Variants in LRRC63 observed in about 807,000 individuals in gnomAD.
The protein encoded by LRRC63 is leucine rich repeat containing 63, also known as leucine-rich repeat-containing protein 63.
A neutral mutation model predicts 49.5 loss-of-function variants in LRRC63; 40 were observed. The ratio of observed to expected loss-of-function variants is 0.81; its 90% CI spans 0.63 to 1.05. The LOEUF (loss-of-function observed/expected upper bound fraction) is 1.05. Ranked by LOEUF, LRRC63 falls within the 50% of genes least tolerant of loss-of-function variation. The pLI, the probability that LRRC63 is intolerant of heterozygous loss-of-function variation, is 0.00. For synonymous variants in LRRC63, 191 were observed against 221.1 expected (o/e 0.86, Z 1.21); for missense variants, 636 against 663.1 (o/e 0.96, Z 0.45).
chr13:46,253,282 G>A (rs141148449), intron 7 of LRRC63, among the ~76,000 whole-genome samples: 2,315 of 152,014 alleles, frequency 0.015, 76 homozygotes, highest in African/African-American at 0.052. Flanking sequence ...CATGTAAAAT[G>A]TATTTATTGA....
intron 7 of LRRC63, among the ~76,000 whole-genome samples, chr13:46,252,025 A>T (rs1477319322): frequency 1.3e-5 from 2 of 151,994 alleles, no homozygotes; most frequent in East Asian, 3.8e-4. Flanking sequence ...ATTAAATAAC[A>T]TAGGATATGT....
intron 9 of LRRC63, among the ~76,000 whole-genome samples, chr13:46,273,488 G>C (rs1594103626): frequency 6.6e-6 from 1 of 151,682 alleles, no homozygotes. Flanking sequence ...TGTAGTCCCA[G>C]CTACTCAGGA....
At chr13:46,216,590 T>A (rs1220201999) in intron 2 of LRRC63, among the ~76,000 whole-genome samples, 1 of 151,104 alleles carries the variant, frequency 6.6e-6, no homozygotes, top group African/African-American at 2.4e-5. Context: ...TCCTCTACCC[T>A]TTATTGCTTT....
At chr13:46,232,927 CAAAT>C (rs1384763107) in intron 4 of LRRC63, among the ~76,000 whole-genome samples, 1 of 151,972 alleles carries the variant, frequency 6.6e-6, no homozygotes, top group Admixed American at 6.6e-5. Flanking sequence ...TAAAATGAGT[CAAAT>C]AAAATTCTAG....
chr13:46,234,977 T>C (rs2046865626), intron 5 of LRRC63, among the ~76,000 whole-genome samples: 1 of 152,172 alleles, frequency 6.6e-6, no homozygotes, highest in Admixed American at 6.5e-5. Context: ...TAGGAAAAGC[T>C]ACAGAGAGTT....
exon 3 of LRRC63, chr13:46,227,526 A>G (rs1292581843): frequency 2.0e-6 from 3 of 1,488,962 alleles, no homozygotes; most frequent in Non-Finnish European, 2.7e-6. Context: ...AACTGGTAAA[A>G]TTGAGTCACT....
In LRRC63 at chr13:46,223,083, G is replaced by A. The variant is rs1246330404; in HGVS notation, c.86-4429G>A. Among the ~76,000 whole-genome samples the A allele has an allele frequency of 4.1e-5, 6 of 146,206 alleles. No homozygotes were observed. In the East Asian group the frequency reaches 8.6e-4, roughly 21 times the overall value. ...TTGTGGGGTGGGGGGAGGGGGGAAG[G>A]ATAGCATTAGGAGATATACCTAATG... On this transcript the variant is annotated intron_variant, in intron 2 of 9. Coordinates refer to ENST00000595396, the Ensembl canonical transcript of LRRC63.
At chr13:46,253,113 A>AT (rs968497712) in intron 7 of LRRC63, among the ~76,000 whole-genome samples, 2 of 152,006 alleles carry the variant, frequency 1.3e-5, no homozygotes, top group African/African-American at 4.8e-5. Flanking sequence ...AGGCAATGGT[A>AT]GTGAGCATGG....
At chr13:46,258,807 C>CA (rs11451920) in intron 7 of LRRC63, among the ~76,000 whole-genome samples, 42,937 of 89,794 alleles carry the variant, frequency 0.48, 9,416 homozygotes, top group African/African-American at 0.6. Context: ...GACTCTGTCT[C>CA]AAAAAAAAAA....
intron 7 of LRRC63, among the ~76,000 whole-genome samples, chr13:46,260,853 G>C (rs909735735): frequency 6.6e-6 from 1 of 152,156 alleles, no homozygotes; most frequent in African/African-American, 2.4e-5. Flanking sequence ...AGATCATGAG[G>C]ACCTTTATAT....
intron 9 of LRRC63, among the ~76,000 whole-genome samples, chr13:46,274,419 C>A (rs73470028): frequency 3.3e-5 from 5 of 152,266 alleles, no homozygotes. Flanking sequence ...GTCCTACTTT[C>A]GCTGAGTTCT....
chr13:46,255,917 CTT>C (rs1034358622), intron 7 of LRRC63, among the ~76,000 whole-genome samples: 1 of 152,082 alleles, frequency 6.6e-6, no homozygotes, highest in Non-Finnish European at 1.5e-5. Flanking sequence ...ACATCATAGA[CTT>C]ATTTCACCTG....
intron 9 of LRRC63, chr13:46,270,367 T>G: frequency 1.2e-6 from 1 of 868,516 alleles, no homozygotes. Context: ...AACTTGCACC[T>G]CTCTGTAAGA....
chr13:46,271,284 A>G (rs2138593677), intron 9 of LRRC63, among the ~76,000 whole-genome samples: 1 of 152,188 alleles, frequency 6.6e-6, no homozygotes, highest in East Asian at 1.9e-4. Flanking sequence ...CTTTTGCCTC[A>G]TTGTCCTATT....
In LRRC63 at chr13:46,269,423, T is replaced by C. The variant is rs118014667; in HGVS notation, c.1550+2451T>C. Among the ~76,000 whole-genome samples, 95 of 152,222 alleles carry C rather than the reference T, an allele frequency of 6.2e-4. No homozygotes were observed. The East Asian group carries it at 0.016, about 25-fold the overall frequency. ...GCACTGTGGATCAGTAGTGAAAGAATAGACTTTGGAATAAATGATGCTGAG... is the reference window on the plus strand; with the variant it reads ...GCACTGTGGATCAGTAGTGAAAGAACAGACTTTGGAATAAATGATGCTGAG... On this transcript the variant is annotated intron_variant, in intron 9 of 9. Coordinates refer to ENST00000595396, the Ensembl canonical transcript of LRRC63.
exon 3 of LRRC63, chr13:46,227,879 T>G: frequency 6.4e-7 from 1 of 1,550,570 alleles, no homozygotes; most frequent in Non-Finnish European, 8.7e-7. Flanking sequence ...ACATTTTAAT[T>G]CTTTCTTCCA....
intron 6 of LRRC63, 136 bp from the exon 7 acceptor site, chr13:46,250,219 C>T: frequency 2.7e-6 from 2 of 730,536 alleles, no homozygotes; most frequent in East Asian, 2.9e-5. Flanking sequence ...AGGGTGTTTA[C>T]TGAGTTACAT....
chr13:46,214,842 T>C (rs2046201528), intron 2 of LRRC63, among the ~76,000 whole-genome samples: 1 of 152,174 alleles, frequency 6.6e-6, no homozygotes, highest in South Asian at 2.1e-4. Context: ...AACTCCCACT[T>C]ACAAGTGAGA....
intron 9 of LRRC63, among the ~76,000 whole-genome samples, chr13:46,271,172 G>C (rs1053515409): frequency 2.0e-5 from 3 of 152,058 alleles, no homozygotes; most frequent in African/African-American, 7.2e-5. Context: ...TGTGTATTTG[G>C]GTATATGTGG....
Sources: gnomAD v4.1 joint callset for allele counts (sites outside exome capture counted in the v4.1 genomes callset) on GRCh38, gnomAD v4.1.1 for gene constraint, MANE v1.5 for transcripts, NCBI Gene and HGNC (gene_info 2026-07-23, HGNC 2026-07-21) for gene names.